ZPBP: variants seen among roughly 807,000 people sequenced by gnomAD.
ZPBP encodes zona pellucida binding protein.
Under a neutral mutation model 44.8 loss-of-function variants are expected in ZPBP, and 26 were observed. That is an observed-to-expected ratio of 0.58 (90% CI 0.43 to 0.81). ZPBP has a LOEUF of 0.81. Ranked by LOEUF, ZPBP falls within the 30% of genes least tolerant of loss-of-function variation. ZPBP has a pLI of 0.00. For missense variants in ZPBP, 409 were observed against 434.0 expected, an observed-to-expected ratio of 0.94 and a Z score of 0.51; for synonymous variants, 174 against 153.2, an observed-to-expected ratio of 1.14 and a Z score of -1.00.
In ZPBP at chr7:50,090,647, GCA is replaced by G. The variant is rs910256016; in HGVS notation, c.128-940_128-939del. 3.5e-3 allele frequency among the ~76,000 whole-genome samples: 24 copies of G among 6,796 alleles called. 1 individual carries two copies. Among genetic ancestry groups the G allele is most frequent in the East Asian group, 0.011 (1 of 88 alleles). The allele number at this position is 6,796 out of a possible 152,430, so 4.5% of individuals were successfully genotyped here. On this transcript the variant is annotated intron_variant, in intron 1 of 7. Coordinates refer to ENST00000046087, the MANE Select transcript of ZPBP (RefSeq NM_007009.3). ...TGTGTATATATATACACACACACAT[GCA>G]CACACACACACACATATATATATAC...
chr7:49,974,563 G>A (rs968608704), intron 7 of ZPBP, among the ~76,000 whole-genome samples: 2 of 151,796 alleles, frequency 1.3e-5, no homozygotes, highest in Non-Finnish European at 2.9e-5. Flanking sequence ...AATCCATAAT[G>A]GCAAAAAAAC....
chr7:49,896,036 C>T (rs968310378), intron 2 of ZPBP, among the ~76,000 whole-genome samples: 2 of 152,146 alleles, frequency 1.3e-5, no homozygotes, highest in East Asian at 1.9e-4. Context: ...TTAAAGTAAA[C>T]GTTTAATGAA....
At chr7:50,016,270 T>C (rs937412001) in intron 6 of ZPBP, among the ~76,000 whole-genome samples, 1 of 152,188 alleles carries the variant, frequency 6.6e-6, no homozygotes, top group South Asian at 2.1e-4. Context: ...GCAACATGAA[T>C]GCAGCTGGAG....
chr7:49,963,165 G>T (rs1026729466), intron 7 of ZPBP, among the ~76,000 whole-genome samples: 2 of 150,756 alleles, frequency 1.3e-5, no homozygotes, highest in Non-Finnish European at 3.0e-5. Context: ...TATTAGGATG[G>T]TTTTTTTTAA....
At chr7:49,905,031 G>A (rs1484937245) in intron 1 of ZPBP, among the ~76,000 whole-genome samples, 1 of 152,174 alleles carries the variant, frequency 6.6e-6, no homozygotes, top group East Asian at 1.9e-4. Flanking sequence ...ATCGTGCCAG[G>A]CCATCATGTA....
chr7:49,972,314 G>A (rs902451659), intron 7 of ZPBP, among the ~76,000 whole-genome samples: 1 of 151,814 alleles, frequency 6.6e-6, no homozygotes, highest in Non-Finnish European at 1.5e-5. Context: ...GTTCACAGAT[G>A]ACATTATCTT....
rs143828242 is a variant in ZPBP, at chr7:49,947,947, A to G, written c.962-10325T>C. 6.4e-4 allele frequency among the ~76,000 whole-genome samples: 98 copies of G among 152,276 alleles called. 1 individual carries two copies. Among genetic ancestry groups the G allele is most frequent in the African/African-American group, 2.2e-3 (92 of 41,560 alleles). On this transcript the variant is annotated intron_variant, in intron 7 of 7. Coordinates refer to ENST00000046087, the MANE Select transcript of ZPBP (RefSeq NM_007009.3). The stretch of plus-strand genomic sequence containing the variant: ...CCCACTCTTCACTCCCCTATTCTCA[A>G]GCATAGTAGTCTCTCTCTATGACCA...
the ZPBP span, among the ~76,000 whole-genome samples, chr7:49,845,103 G>A: frequency 1.4e-4 from 22 of 152,210 alleles, no homozygotes; most frequent in Admixed American, 8.5e-4. Context: ...ACACATGGGC[G>A]GGAACAACAC....
chr7:49,945,560 A>G (rs1795070456), intron 7 of ZPBP, among the ~76,000 whole-genome samples: 1 of 152,068 alleles, frequency 6.6e-6, no homozygotes, highest in African/African-American at 2.4e-5. Flanking sequence ...AAGAATTATT[A>G]TATCCTCTTG....
intron 2 of ZPBP, among the ~76,000 whole-genome samples, chr7:49,863,459 A>C (rs939199524): frequency 1.3e-5 from 2 of 151,866 alleles, no homozygotes; most frequent in Admixed American, 6.6e-5. Context: ...TTGAGACAAG[A>C]TCTCACTCTG....
intron 7 of ZPBP, among the ~76,000 whole-genome samples, chr7:49,947,092 T>C (rs776079616): frequency 3.0e-4 from 45 of 152,266 alleles, no homozygotes; most frequent in Non-Finnish European, 5.6e-4. Context: ...GGATTCTGAA[T>C]TCCTTCTCTG....
chr7:49,991,763 G>C (rs1304570347), intron 6 of ZPBP, among the ~76,000 whole-genome samples: 2 of 152,020 alleles, frequency 1.3e-5, no homozygotes, highest in African/African-American at 4.8e-5. Flanking sequence ...AGGTAGAAAT[G>C]AAATTTAAAA....
intron 2 of ZPBP, among the ~76,000 whole-genome samples, chr7:49,851,266 C>T (rs1790169167): frequency 6.6e-6 from 1 of 152,128 alleles, no homozygotes; most frequent in African/African-American, 2.4e-5. Flanking sequence ...TTGGGTAATC[C>T]AGGATGATCT....
At chr7:50,057,194 A>C in intron 4 of ZPBP, among the ~76,000 whole-genome samples, 1 of 152,078 alleles carries the variant, frequency 6.6e-6, no homozygotes, top group African/African-American at 2.4e-5. Flanking sequence ...CTCAAAAAAA[A>C]AAAAAAAAAA....
chr7:50,083,726 C>A (rs796471546), intron 2 of ZPBP, among the ~76,000 whole-genome samples: 2 of 151,966 alleles, frequency 1.3e-5, no homozygotes, highest in African/African-American at 4.8e-5. Context: ...TACCTAAAAT[C>A]ACTGGAGAAA....
chr7:49,999,321 AT>A (rs1435359794), intron 6 of ZPBP, among the ~76,000 whole-genome samples: 1 of 151,078 alleles, frequency 6.6e-6, no homozygotes, highest in Non-Finnish European at 1.5e-5. Flanking sequence ...TGGTGTTATA[AT>A]TTTTGCTTCA....
At chr7:50,088,812 TAAAATAGCTTAGGCTCTTTAA>T (rs796202279) in intron 2 of ZPBP, among the ~76,000 whole-genome samples, 7 of 152,180 alleles carry the variant, frequency 4.6e-5, no homozygotes, top group African/African-American at 1.7e-4. Flanking sequence ...GGTGTGAAAG[TAAAATAGCTTAGGCTCTTTAA>T]AAAATAGTTT....
chr7:50,026,779 C>T (rs1367828138), intron 5 of ZPBP, among the ~76,000 whole-genome samples: 1 of 151,842 alleles, frequency 6.6e-6, no homozygotes, highest in Non-Finnish European at 1.5e-5. Context: ...ACAACAAGAG[C>T]TATTAGACAA....
chr7:49,865,826 T>C (rs537098327), intron 2 of ZPBP, among the ~76,000 whole-genome samples: 1 of 152,290 alleles, frequency 6.6e-6, no homozygotes, highest in South Asian at 2.1e-4. Context: ...AGAATGCTCA[T>C]TCCATGCAAC....
Sources: allele counts gnomAD v4.1 joint callset (sites outside exome capture counted in the v4.1 genomes callset), GRCh38; gene constraint gnomAD v4.1.1; transcripts MANE v1.5; gene names NCBI Gene and HGNC (gene_info 2026-07-23, HGNC 2026-07-21).